LMBR1: variants seen among roughly 807,000 people sequenced by gnomAD.
LMBR1 encodes the protein limb region 1 protein homolog.
In LMBR1, 52 loss-of-function variants were observed where a neutral mutation model predicts 73.9. The ratio of observed to expected loss-of-function variants is 0.70; its 90% CI spans 0.56 to 0.89. The LOEUF is 0.89. Among genes scored for constraint, LMBR1 ranks in the 40% least tolerant of loss-of-function variants. The pLI is 0.00. For synonymous variants in LMBR1, 215 were observed against 209.4 expected (o/e 1.03, Z -0.23); for missense variants, 539 against 579.8 (o/e 0.93, Z 0.72).
At chr7:156,881,914 G>C (rs528149745) in intron 1 of LMBR1, among the ~76,000 whole-genome samples, 1 of 151,984 alleles carries the variant, frequency 6.6e-6, no homozygotes, top group Admixed American at 6.6e-5. Flanking sequence ...TGGAAAATAT[G>C]TGGGTTCCTG....
chr7:156,877,054 A>G (rs1360128393), intron 1 of LMBR1, among the ~76,000 whole-genome samples: 3 of 152,122 alleles, frequency 2.0e-5, no homozygotes, highest in Admixed American at 1.3e-4. Flanking sequence ...CTTCGAAAAG[A>G]TAAATAAAAC....
chr7:156,833,674 A>G (rs906694919), intron 3 of LMBR1, 79 bp downstream of exon 3: 4 of 1,051,226 alleles, frequency 3.8e-6, no homozygotes, highest in Non-Finnish European at 5.9e-6. Flanking sequence ...CCATACTTCT[A>G]TCCAAAAATT....
At chr7:156,841,532 G>C (rs1838699518) in intron 1 of LMBR1, among the ~76,000 whole-genome samples, 1 of 152,148 alleles carries the variant, frequency 6.6e-6, no homozygotes, top group Admixed American at 6.5e-5. Context: ...AAAGCTGACT[G>C]AGAAGCAGCA....
chr7:156,889,919 G>T (rs576081606), intron 1 of LMBR1, among the ~76,000 whole-genome samples: 4 of 152,058 alleles, frequency 2.6e-5, no homozygotes, highest in Non-Finnish European at 4.4e-5. Context: ...TGGGAGGATC[G>T]CCTGAGCCTT....
At chr7:156,758,232 T>C (rs1822273841) in intron 8 of LMBR1, among the ~76,000 whole-genome samples, 1 of 152,258 alleles carries the variant, frequency 6.6e-6, no homozygotes, top group Non-Finnish European at 1.5e-5. Flanking sequence ...GACCAGGTCC[T>C]TGGGGGCCTT....
rs567464978 is a variant in LMBR1, at chr7:156,844,784, C to A, written c.67-7899G>T. On this transcript the variant is annotated intron_variant, in intron 1 of 16. Coordinates refer to ENST00000353442, the MANE Select transcript of LMBR1 (RefSeq NM_022458.4). ...TGTGCTAGCTAGCCCAGAAAGAAGG[C>A]AACGCAGCCCTGGAAGAAGGAGGCA... Among the ~76,000 whole-genome samples the A allele has an allele frequency of 4.6e-5, 7 of 152,274 alleles. No individual in the cohort carries two copies. In the South Asian group the frequency reaches 1.4e-3, roughly 32 times the overall value.
rs746416078 is a variant in LMBR1 at position 156,688,002 on chromosome 7, A to G, written c.1387+28T>C. On this transcript the variant is annotated intron_variant, in intron 16 of 16. Transcript: ENST00000353442. Reference sequence around the variant, plus strand: ...GTCAAAATTATTTAGTAGAAAGAGGAAAAAATACCCATAAACCTCAGGATT... The same window carrying G: ...GTCAAAATTATTTAGTAGAAAGAGGGAAAAATACCCATAAACCTCAGGATT... The G allele has an allele frequency of 2.6e-6, 4 of 1,527,060 alleles. No individual in the cohort carries two copies. In the South Asian group the frequency reaches 5.1e-5, roughly 20 times the overall value. The allele number at this position is 1,527,060 out of a possible 1,614,324, so 94.6% of individuals were successfully genotyped here.
chr7:156,767,623 CAGTAAT>C (rs985231254), intron 5 of LMBR1, among the ~76,000 whole-genome samples: 5 of 151,652 alleles, frequency 3.3e-5, no homozygotes, highest in Non-Finnish European at 7.4e-5. Flanking sequence ...AAACTAGTAA[CAGTAAT>C]AGTAACTAGT....
At chr7:156,845,311 G>A (rs1196946426) in intron 1 of LMBR1, among the ~76,000 whole-genome samples, 2 of 151,996 alleles carry the variant, frequency 1.3e-5, no homozygotes, top group Non-Finnish European at 2.9e-5. Flanking sequence ...CCTGGGCAAT[G>A]GAGCAAGATT....
chr7:156,848,868 C>T (rs1259798597), intron 1 of LMBR1, among the ~76,000 whole-genome samples: 2 of 149,326 alleles, frequency 1.3e-5, no homozygotes, highest in African/African-American at 4.9e-5. Context: ...GAGGCGGAGG[C>T]TGCAGTGAGC....
At chr7:156,787,807 C>T (rs1295618643) in intron 5 of LMBR1, among the ~76,000 whole-genome samples, 1 of 152,142 alleles carries the variant, frequency 6.6e-6, no homozygotes, top group Non-Finnish European at 1.5e-5. Flanking sequence ...GACGGAGTCT[C>T]GCTCTGTCGC....
intron 5 of LMBR1, among the ~76,000 whole-genome samples, chr7:156,764,070 C>G (rs1823639497): frequency 1.3e-5 from 2 of 152,184 alleles, no homozygotes; most frequent in South Asian, 4.1e-4. Flanking sequence ...CTAACACTTT[C>G]CACTAACAAA....
chr7:156,796,249 TAAC>T (rs1396383628), intron 5 of LMBR1, 137 bp downstream of exon 5: 3 of 607,276 alleles, frequency 4.9e-6, no homozygotes, highest in African/African-American at 3.8e-5. Flanking sequence ...CTGTTATTGT[TAAC>T]AATGTGTTAT....
At chr7:156,704,081 T>C (rs1338413845) in intron 15 of LMBR1, among the ~76,000 whole-genome samples, 1 of 151,874 alleles carries the variant, frequency 6.6e-6, no homozygotes, top group Non-Finnish European at 1.5e-5. Context: ...GAGGGCCCAC[T>C]TACCCATTCA....
rs75954026 is a variant in LMBR1, at chr7:156,725,253, A to G, written c.1158+182T>C. On this transcript the variant is annotated intron_variant, in intron 14 of 16. Coordinates refer to ENST00000353442, the MANE Select transcript of LMBR1 (RefSeq NM_022458.4). ...TTTACAGTGAATGGACGCCATCCAA[A>G]TTAAACAGGGTACATCCCTTTCCCA... 6.2e-3 allele frequency among the ~76,000 whole-genome samples: 939 copies of G among 152,298 alleles called. 9 individuals carry two copies. Among genetic ancestry groups the G allele is most frequent in the African/African-American group, 0.022 (894 of 41,570 alleles).
downstream of LMBR1, chr7:156,676,461 CCT>C (rs752508073): frequency 5.6e-6 from 9 of 1,614,078 alleles, no homozygotes; most frequent in Admixed American, 3.3e-5. Flanking sequence ...CTGCCTGGCC[CCT>C]CTCTCCGCTG....
At chr7:156,834,867 C>T (rs528278140) in intron 2 of LMBR1, among the ~76,000 whole-genome samples, 4 of 150,496 alleles carry the variant, frequency 2.7e-5, no homozygotes, top group East Asian at 1.9e-4. Context: ...ACAGGCTGGG[C>T]GCAGTGGTTC....
intron 15 of LMBR1, among the ~76,000 whole-genome samples, chr7:156,695,290 C>T (rs1808047780): frequency 2.0e-5 from 3 of 152,326 alleles, no homozygotes; most frequent in East Asian, 3.9e-4. Context: ...GCCTGGGTGA[C>T]AGAACAAGAC....
chr7:156,814,409 G>A (rs977151606), intron 4 of LMBR1, among the ~76,000 whole-genome samples: 2 of 152,168 alleles, frequency 1.3e-5, no homozygotes, highest in Admixed American at 6.5e-5. Context: ...TTTGTAAAAT[G>A]GAACAAAACA....
Sources: allele counts gnomAD v4.1 joint callset (sites outside exome capture counted in the v4.1 genomes callset), GRCh38; gene constraint gnomAD v4.1.1; transcripts MANE v1.5; gene names NCBI Gene and HGNC (gene_info 2026-07-23, HGNC 2026-07-21).